Variants in CDH18 observed in about 807,000 individuals in gnomAD.
CDH18 encodes cadherin 18.
A neutral mutation model predicts 67.9 loss-of-function variants in CDH18; 31 were observed. The ratio of observed to expected loss-of-function variants is 0.46; its 90% CI spans 0.34 to 0.62. The LOEUF is 0.62. Among genes scored for constraint, CDH18 ranks in the 20% least tolerant of loss-of-function variants. The pLI, the probability that CDH18 is intolerant of heterozygous loss-of-function variation, is 0.01. For synonymous variants in CDH18, 362 were observed against 347.2 expected, an observed-to-expected ratio of 1.04 and a Z score of -0.48; for missense variants, 890 against 975.5, an observed-to-expected ratio of 0.91 and a Z score of 1.17.
chr5:20,470,005 C>G (rs1751935697), intron 1 of CDH18, among the ~76,000 whole-genome samples: 1 of 152,112 alleles, frequency 6.6e-6, no homozygotes, highest in Admixed American at 6.6e-5. Context: ...CCTGCTATTA[C>G]CTTTAATAGC....
chr5:19,628,320 T>C (rs1751865077), intron 5 of CDH18, among the ~76,000 whole-genome samples: 2 of 152,238 alleles, frequency 1.3e-5, no homozygotes, highest in African/African-American at 2.4e-5. Context: ...TGCACAGTCT[T>C]GGGTATGTCT....
At chr5:19,986,657 A>G (rs1343008461) in intron 1 of CDH18, among the ~76,000 whole-genome samples, 1 of 152,182 alleles carries the variant, frequency 6.6e-6, no homozygotes, top group African/African-American at 2.4e-5. Context: ...AGAATTAAAT[A>G]AACAACAGGA....
chr5:20,147,522 G>A (rs1271755727), intron 2 of CDH18, among the ~76,000 whole-genome samples: 3 of 151,990 alleles, frequency 2.0e-5, no homozygotes, highest in Admixed American at 2.0e-4. Context: ...TCATCCCAAT[G>A]TGTACCACCA....
chr5:19,884,538 G>A (rs1331473253), intron 2 of CDH18, among the ~76,000 whole-genome samples: 1 of 151,476 alleles, frequency 6.6e-6, no homozygotes, highest in East Asian at 1.9e-4. Context: ...ATCCAAAATA[G>A]TATATAAGTA....
At chr5:19,620,839 A>T (rs143723294) in intron 5 of CDH18, among the ~76,000 whole-genome samples, 137 of 152,062 alleles carry the variant, frequency 9.0e-4, no homozygotes, top group Non-Finnish European at 1.6e-3. Context: ...GCAAAGGGCT[A>T]CTCTTCTCCA....
At chr5:19,671,926 AC>A (rs1489193671) in intron 5 of CDH18, among the ~76,000 whole-genome samples, 4 of 152,110 alleles carry the variant, frequency 2.6e-5, no homozygotes, top group Admixed American at 6.6e-5. Context: ...CAGTGATGCA[AC>A]AAGAAATACT....
chr5:20,309,381 A>G (rs1363935427), intron 1 of CDH18, among the ~76,000 whole-genome samples: 1 of 152,236 alleles, frequency 6.6e-6, no homozygotes, highest in Non-Finnish European at 1.5e-5. Context: ...ACACTGTCTT[A>G]AAAATAACAT....
chr5:20,436,106 C>T (rs1329406066), intron 1 of CDH18, among the ~76,000 whole-genome samples: 1 of 151,924 alleles, frequency 6.6e-6, no homozygotes, highest in East Asian at 1.9e-4. Context: ...TCACCTTTCC[C>T]TGTCTCTGAT....
chr5:19,974,317 A>G (rs941573565), intron 2 of CDH18, among the ~76,000 whole-genome samples: 2 of 151,938 alleles, frequency 1.3e-5, no homozygotes, highest in African/African-American at 4.8e-5. Context: ...AGATCACTTG[A>G]GTTCAGGAGT....
intron 1 of CDH18, among the ~76,000 whole-genome samples, chr5:20,407,487 C>T (rs1359516244): frequency 1.9e-5 from 2 of 103,010 alleles, no homozygotes; most frequent in South Asian, 8.3e-4. Context: ...AATGCATATA[C>T]ACCAATGAGG....
intron 2 of CDH18, among the ~76,000 whole-genome samples, chr5:20,116,506 A>C (rs984556399): frequency 2.0e-5 from 3 of 150,362 alleles, no homozygotes; most frequent in African/African-American, 4.9e-5. Flanking sequence ...ACAGAGAGAG[A>C]CTCCCTCTTA....
chr5:19,483,900 C>G (rs901070405), intron 11 of CDH18, among the ~76,000 whole-genome samples: 24 of 152,086 alleles, frequency 1.6e-4, no homozygotes, highest in Non-Finnish European at 3.4e-4. Flanking sequence ...TTGAAGTGAG[C>G]CAATGAGATT....
At chr5:20,382,441 C>T (rs1743985169) in intron 1 of CDH18, among the ~76,000 whole-genome samples, 1 of 151,950 alleles carries the variant, frequency 6.6e-6, no homozygotes, top group African/African-American at 2.4e-5. Context: ...TAGTAACTGG[C>T]TAATTCATGG....
chr5:19,921,641 A>C (rs2150170177), intron 2 of CDH18, among the ~76,000 whole-genome samples: 1 of 152,316 alleles, frequency 6.6e-6, no homozygotes, highest in South Asian at 2.1e-4. Context: ...AAAACGAGGA[A>C]AACTTCAAAT....
chr5:20,351,256 T>A (rs1181710088), intron 1 of CDH18, among the ~76,000 whole-genome samples: 367 of 151,798 alleles, frequency 2.4e-3, no homozygotes, highest in African/African-American at 8.2e-3. Context: ...GGGTTGTTTT[T>A]TTTTTTTGTT....
At chr5:19,875,137 T>A (rs1042845510) in intron 2 of CDH18, among the ~76,000 whole-genome samples, 16 of 152,182 alleles carry the variant, frequency 1.1e-4, no homozygotes, top group African/African-American at 3.4e-4. Context: ...CTGACTTTTT[T>A]AATTCTTGAA....
At chr5:20,430,928 C>A (rs57822915) in intron 1 of CDH18, among the ~76,000 whole-genome samples, 1 of 151,898 alleles carries the variant, frequency 6.6e-6, no homozygotes, top group African/African-American at 2.4e-5. Context: ...CTAAATGTTA[C>A]GAAAATGTTT....
chr5:20,159,655 A>G (rs908844192), intron 2 of CDH18, among the ~76,000 whole-genome samples: 1 of 152,172 alleles, frequency 6.6e-6, no homozygotes, highest in African/African-American at 2.4e-5. Flanking sequence ...TTGATGTTTT[A>G]TCTGGTATTA....
At chr5:19,542,558 C>T (rs959940604) in intron 9 of CDH18, among the ~76,000 whole-genome samples, 2 of 152,056 alleles carry the variant, frequency 1.3e-5, no homozygotes, top group Admixed American at 6.6e-5. Flanking sequence ...TATATCAATA[C>T]AATAGAATAA....
Sources: allele counts gnomAD v4.1 joint callset (sites outside exome capture counted in the v4.1 genomes callset), GRCh38; gene constraint gnomAD v4.1.1; transcripts MANE v1.5; gene names NCBI Gene and HGNC (gene_info 2026-07-23, HGNC 2026-07-21).